PDZD2: variants seen among roughly 807,000 people sequenced by gnomAD.
The protein encoded by PDZD2 is PDZ domain containing 2.
In PDZD2, 90 loss-of-function variants were observed where a neutral mutation model predicts 220.7. The observed-to-expected ratio is 0.41, with a 90% CI of 0.34 to 0.49. The LOEUF (loss-of-function observed/expected upper bound fraction) is 0.49, where lower values mean the gene tolerates loss of function less well. Ranked by LOEUF, PDZD2 falls within the 20% of genes least tolerant of loss-of-function variation. The probability of loss-of-function intolerance (pLI) is 0.28; values close to 1 mark genes in which losing one functional copy is unlikely to be tolerated. For missense variants in PDZD2, 3,174 were observed against 3,608.5 expected (o/e 0.88, Z 3.08); for synonymous variants, 1,375 against 1,450.5 (o/e 0.95, Z 1.18).
chr5:31,743,198 G>A (rs1750374104), intron 1 of PDZD2, among the ~76,000 whole-genome samples: 1 of 149,272 alleles, frequency 6.7e-6, no homozygotes, highest in South Asian at 2.1e-4. Flanking sequence ...TTTTGATACA[G>A]GGTCTTACTC....
At chr5:31,652,748 C>T (rs939374933) in intron 1 of PDZD2, among the ~76,000 whole-genome samples, 1 of 152,162 alleles carries the variant, frequency 6.6e-6, no homozygotes, top group Non-Finnish European at 1.5e-5. Context: ...CAGTGGCTCA[C>T]GCCTGTAATC....
chr5:31,828,230 T>G (rs1157867111), intron 2 of PDZD2, among the ~76,000 whole-genome samples: 1 of 152,234 alleles, frequency 6.6e-6, no homozygotes, highest in African/African-American at 2.4e-5. Context: ...GATGATGATA[T>G]AGTAACTCTA....
chr5:31,675,435 C>T (rs988219664), intron 1 of PDZD2, among the ~76,000 whole-genome samples: 2 of 152,216 alleles, frequency 1.3e-5, no homozygotes, highest in African/African-American at 4.8e-5. Flanking sequence ...CAGCTCAGGG[C>T]TGCTCAGGCC....
rs115384076 is a variant in PDZD2 at position 31,972,147 on chromosome 5, C to A, written c.477-11008C>A. ...TCAGTGTTTCGTTGAGGGTTTCACT[C>A]CCATTGCCCAGGCTGGAGTGCAATG... is the stretch of plus-strand genomic sequence containing the variant. On this transcript the variant is annotated intron_variant, in intron 2 of 24. Coordinates refer to ENST00000438447, the MANE Select transcript of PDZD2 (RefSeq NM_178140.4). Among the ~76,000 whole-genome samples the A allele has an allele frequency of 3.5e-3, 538 of 152,290 alleles. 7 individuals are homozygous for A. The highest frequency in any genetic ancestry group is 0.012 in the African/African-American group (517 of 41,560).
intron 1 of PDZD2, among the ~76,000 whole-genome samples, chr5:31,684,689 T>C (rs553890230): frequency 6.6e-6 from 1 of 152,250 alleles, no homozygotes; most frequent in South Asian, 2.1e-4. Flanking sequence ...TTATATAATC[T>C]AGCCCCTGCC....
chr5:31,883,709 C>T (rs1389834261), intron 2 of PDZD2, among the ~76,000 whole-genome samples: 1 of 151,338 alleles, frequency 6.6e-6, no homozygotes, highest in Admixed American at 6.6e-5. Context: ...ACTTCCACCT[C>T]TCATGCCTCA....
chr5:32,074,376 A>G lies in PDZD2; in HGVS notation c.3270A>G (p.Thr1090=), dbSNP rs767267353. 4.3e-6 allele frequency: 7 copies of G among 1,614,184 alleles called. No homozygotes were observed. In the East Asian group the frequency reaches 6.7e-5, roughly 15 times the overall value. Residue 1090 remains threonine (T), a synonymous_variant, in exon 18 of 25, where the codon ACA becomes ACG. Transcript: ENST00000438447. Reference sequence around the variant, plus strand: ...GTAGCGCACCCAAATTGGAATACACAGTCCGTACAGACACCCAGAGTCCGA... The same window carrying G: ...GTAGCGCACCCAAATTGGAATACACGGTCCGTACAGACACCCAGAGTCCGA... The part of the protein sequence containing the change: ...GSSSAPKLEY[T]VRTDTQSPTN...
intron 2 of PDZD2, among the ~76,000 whole-genome samples, chr5:31,818,870 A>G (rs1755638903): frequency 6.6e-6 from 1 of 152,184 alleles, no homozygotes; most frequent in African/African-American, 2.4e-5. Context: ...CAGCTCTATC[A>G]TGCTAACTCA....
chr5:31,903,600 C>T (rs1160017387), intron 2 of PDZD2, among the ~76,000 whole-genome samples: 6 of 136,176 alleles, frequency 4.4e-5, no homozygotes, highest in Admixed American at 8.4e-5. Flanking sequence ...GCCAAGATCA[C>T]GCCACTGTAC....
chr5:31,723,133 A>G (rs1443911778), intron 1 of PDZD2, among the ~76,000 whole-genome samples: 1 of 152,272 alleles, frequency 6.6e-6, no homozygotes, highest in African/African-American at 2.4e-5. Context: ...ATACTCTCAA[A>G]TATACAAAGA....
chr5:31,873,640 G>C (rs373002024), intron 2 of PDZD2, among the ~76,000 whole-genome samples: 1 of 151,548 alleles, frequency 6.6e-6, no homozygotes, highest in Non-Finnish European at 1.5e-5. Flanking sequence ...GGCTCAAAGC[G>C]ATCCGCCTGC....
chr5:32,080,347 C>CA (rs35491724), intron 19 of PDZD2, among the ~76,000 whole-genome samples: 9,247 of 53,256 alleles, frequency 0.17, 1,085 homozygotes, highest in South Asian at 0.32. Flanking sequence ...GACTCCATCT[C>CA]AAAAAAAAAA....
At chr5:32,024,851 C>T (rs1263511282) in intron 6 of PDZD2, among the ~76,000 whole-genome samples, 1 of 152,170 alleles carries the variant, frequency 6.6e-6, no homozygotes, top group Non-Finnish European at 1.5e-5. Context: ...AACTGCTCAC[C>T]TCTGCCTTTG....
intron 8 of PDZD2, among the ~76,000 whole-genome samples, chr5:32,050,010 T>G (rs1161219370): frequency 6.6e-6 from 1 of 152,204 alleles, no homozygotes; most frequent in Non-Finnish European, 1.5e-5. Flanking sequence ...CTTGGCTCAC[T>G]GCAACCTCCA....
rs140610356 is a variant in PDZD2, at chr5:32,089,067, G to C, written c.5619G>C (p.Leu1873=). Residue 1873 remains leucine, a synonymous_variant, in exon 20 of 25, where the codon CTG becomes CTC. Coordinates refer to ENST00000438447, the MANE Select transcript of PDZD2 (RefSeq NM_178140.4). ...LSKKSPAEML[L]TNGQKAKCGP... ...AGAAGAGTCCGGCAGAAATGCTTCT[G>C]ACTAATGGTCAGAAGGCAAAGTGTG... 1.2e-6 allele frequency: 2 copies of C among 1,613,944 alleles called. No homozygotes were observed. The highest frequency in any genetic ancestry group is 2.2e-5 in the East Asian group (1 of 44,868).
intron 1 of PDZD2, among the ~76,000 whole-genome samples, chr5:31,675,980 G>A (rs1746397202): frequency 6.6e-6 from 1 of 152,188 alleles, no homozygotes; most frequent in African/African-American, 2.4e-5. Flanking sequence ...GGGATTACAG[G>A]CGTGAGCCAC....
At chr5:31,881,370 A>G (rs11748438) in intron 2 of PDZD2, among the ~76,000 whole-genome samples, 3,513 of 80,818 alleles carry the variant, frequency 0.043, 52 homozygotes, top group African/African-American at 0.063. Context: ...GTGTGTGTGT[A>G]TATATTTTTT....
intron 7 of PDZD2, among the ~76,000 whole-genome samples, chr5:32,040,683 T>G (rs536369877): frequency 2.1e-4 from 29 of 136,872 alleles, no homozygotes; most frequent in Admixed American, 1.4e-3. Context: ...ATCTGGGAAG[T>G]GGGGAGAGCC....
Position 32,074,578 on chromosome 5 carries a change from A to C in PDZD2, c.3472A>C (p.Arg1158=). Residue 1158 remains arginine (R), a synonymous_variant, in exon 18 of 25, where the codon AGA becomes CGA. Transcript: ENST00000438447. ...CAATGATCCATGCGATCTGGACTCG[A>C]GAGTCCAGGCCACTTCTGTCAAAGT... The part of the protein sequence containing the change: ...RANDPCDLDS[R]VQATSVKVTV... 1 of 1,613,540 alleles carries C rather than the reference A, an allele frequency of 6.2e-7. No homozygotes were observed. Among genetic ancestry groups the C allele is most frequent in the South Asian group, 1.1e-5 (1 of 91,062 alleles).
Sources: allele counts gnomAD v4.1 joint callset (sites outside exome capture counted in the v4.1 genomes callset), GRCh38; gene constraint gnomAD v4.1.1; transcripts MANE v1.5; gene names NCBI Gene and HGNC (gene_info 2026-07-23, HGNC 2026-07-21).